Variants in CAPRIN2 observed in about 807,000 individuals in gnomAD.
The protein encoded by CAPRIN2 is caprin-2.
In CAPRIN2, 66 loss-of-function variants were observed where a neutral mutation model predicts 130.4. That is an observed-to-expected ratio of 0.51 (90% CI 0.42 to 0.62). CAPRIN2 has a LOEUF of 0.62. CAPRIN2 is among the 20% of genes least tolerant of loss of function. The pLI is 0.00. For missense variants in CAPRIN2, 1,185 were observed against 1,246.6 expected, an observed-to-expected ratio of 0.95 and a Z score of 0.74; for synonymous variants, 471 against 444.1, an observed-to-expected ratio of 1.06 and a Z score of -0.76.
chr12:30,729,577 T>TA (rs2061956487), intron 7 of CAPRIN2, among the ~76,000 whole-genome samples: 1 of 152,228 alleles, frequency 6.6e-6, no homozygotes, highest in African/African-American at 2.4e-5. Context: ...CTGTTGGACT[T>TA]GCCTAAGACT....
chr12:30,726,557 G>T (rs7308638), intron 8 of CAPRIN2, among the ~76,000 whole-genome samples: 34,053 of 151,956 alleles, frequency 0.22, 4,048 homozygotes, highest in Middle Eastern at 0.32. Flanking sequence ...AAAATTGAGA[G>T]GGATACATAT....
At chr12:30,723,172 T>G in intron 11 of CAPRIN2, 87 bp downstream of exon 12, 7 of 897,316 alleles carry the variant, frequency 7.8e-6, no homozygotes, top group African/African-American at 1.7e-5. Context: ...ATTAGGTACA[T>G]GAGAATCAGT....
intron 6 of CAPRIN2, among the ~76,000 whole-genome samples, chr12:30,730,846 G>T (rs574712158): frequency 1.3e-5 from 2 of 152,212 alleles, no homozygotes; most frequent in South Asian, 4.1e-4. Context: ...TCCAACTTTG[G>T]TAAACAAAAG....
At chr12:30,719,667 G>C in intron 12 of CAPRIN2, 1 of 152,470 alleles carries the variant, frequency 6.6e-6, no homozygotes, top group Non-Finnish European at 1.5e-5. Context: ...ACCTAAAACA[G>C]AAAACAACTC....
intron 2 of CAPRIN2, among the ~76,000 whole-genome samples, chr12:30,748,402 C>T (rs2071823245): frequency 6.6e-6 from 1 of 152,240 alleles, no homozygotes; most frequent in Non-Finnish European, 1.5e-5. Flanking sequence ...GATTACAACT[C>T]ACTGAAGGCT....
intron 12 of CAPRIN2, 25 bp downstream of exon 13, chr12:30,720,786 G>C (rs2059176770): frequency 7.4e-7 from 1 of 1,358,056 alleles, no homozygotes; most frequent in African/African-American, 1.4e-5. Context: ...AGATACAAAA[G>C]AAATTAAGAC....
chr12:30,745,678 A>G (rs2069772357), intron 2 of CAPRIN2, among the ~76,000 whole-genome samples: 1 of 152,174 alleles, frequency 6.6e-6, no homozygotes, highest in African/African-American at 2.4e-5. Context: ...AAGAAATTTT[A>G]GAAAATTTTC....
At chr12:30,750,505 A>T (rs745618913) in intron 2 of CAPRIN2, among the ~76,000 whole-genome samples, 1 of 152,170 alleles carries the variant, frequency 6.6e-6, no homozygotes, top group Non-Finnish European at 1.5e-5. Context: ...CGATGGAAAA[A>T]AATGCAAGTA....
intron 1 of CAPRIN2, among the ~76,000 whole-genome samples, chr12:30,751,846 G>A (rs2074038049): frequency 6.7e-6 from 1 of 150,252 alleles, no homozygotes; most frequent in East Asian, 1.9e-4. Flanking sequence ...TGATACTTAA[G>A]GAAATTATGA....
intron 15 of CAPRIN2, among the ~76,000 whole-genome samples, 170 bp downstream of exon 17, chr12:30,713,615 G>A (rs2056201786): frequency 6.6e-6 from 1 of 152,052 alleles, no homozygotes; most frequent in South Asian, 2.1e-4. Flanking sequence ...ATCTTTCTTG[G>A]GTAATTGCAA....
chr12:30,746,754 C>A (rs752970318), intron 2 of CAPRIN2, among the ~76,000 whole-genome samples: 1 of 152,168 alleles, frequency 6.6e-6, no homozygotes, highest in South Asian at 2.1e-4. Flanking sequence ...TGGGAGCTAG[C>A]AGAAGCTGGT....
At chr12:30,732,934 T>C (rs2063237391) in intron 5 of CAPRIN2, among the ~76,000 whole-genome samples, 1 of 152,120 alleles carries the variant, frequency 6.6e-6, no homozygotes, top group Non-Finnish European at 1.5e-5. Context: ...CTAAACTCAT[T>C]TTGCATTCTA....
At chr12:30,715,174 GT>G in intron 13 of CAPRIN2, 33 bp from the exon 16 acceptor site, 1 of 1,576,576 alleles carries the variant, frequency 6.3e-7, no homozygotes, top group Non-Finnish European at 8.7e-7. Context: ...GGGTCCAAGA[GT>G]TAAATGGTAA....
At chr12:30,738,343 C>T (rs909338411) in intron 3 of CAPRIN2, among the ~76,000 whole-genome samples, 1 of 151,608 alleles carries the variant, frequency 6.6e-6, no homozygotes, top group Admixed American at 6.6e-5. Flanking sequence ...ACTATATTCA[C>T]GATATAGAGA....
intron 2 of CAPRIN2, among the ~76,000 whole-genome samples, chr12:30,750,064 A>G (rs893135855): frequency 1.3e-5 from 2 of 152,220 alleles, no homozygotes; most frequent in Admixed American, 1.3e-4. Context: ...AGAGTTATTG[A>G]ACACACCGTG....
chr12:30,739,840 G>C (rs1289579512), intron 3 of CAPRIN2, among the ~76,000 whole-genome samples: 1 of 152,086 alleles, frequency 6.6e-6, no homozygotes, highest in Non-Finnish European at 1.5e-5. Context: ...ATAAGTGCCT[G>C]GCACAAGGTA....
At chr12:30,730,421 G>T in intron 6 of CAPRIN2, 139 bp from the exon 8 acceptor site, 1 of 638,724 alleles carries the variant, frequency 1.6e-6, no homozygotes, top group Non-Finnish European at 2.8e-6. Flanking sequence ...TATATTGATG[G>T]CAAGAGGAAT....
At position 30,719,127 on chromosome 12, in the gene CAPRIN2, A is replaced by G. The variant is rs34087421; in HGVS notation, c.2148+1684T>C. 2,987 of 1,614,074 alleles carry G rather than the reference A, an allele frequency of 1.9e-3. 38 individuals carry two copies. The African/African-American group carries it at 0.033, about 18-fold the overall frequency. Reference sequence around the variant, plus strand: ...CTGTGTTAATGGTTACTGAACTACTACTTGCTGGAGGTGACTGGAAGCCCT... The same window carrying G: ...CTGTGTTAATGGTTACTGAACTACTGCTTGCTGGAGGTGACTGGAAGCCCT... On this transcript the variant is annotated intron_variant, in intron 12 of 16. Coordinates refer to ENST00000298892, the Ensembl canonical transcript of CAPRIN2.
At position 30,719,236 on chromosome 12, in the gene CAPRIN2, G is replaced by C. The variant is rs748057222; in HGVS notation, c.2148+1575C>G. 1 of 1,613,564 alleles carries C rather than the reference G, an allele frequency of 6.2e-7. No individual in the cohort carries two copies. Among genetic ancestry groups the C allele is most frequent in the East Asian group, 2.2e-5 (1 of 44,872 alleles). Reference sequence around the variant, plus strand: ...TGGGGGAATTGCTGCCTGGGGAGGAGAAATGCAGCATCAGCCAATCACCTG... The same window carrying C: ...TGGGGGAATTGCTGCCTGGGGAGGACAAATGCAGCATCAGCCAATCACCTG... On this transcript the variant is annotated intron_variant, in intron 12 of 16. Coordinates refer to ENST00000298892, the Ensembl canonical transcript of CAPRIN2.
Sources: gnomAD v4.1 joint callset for allele counts (sites outside exome capture counted in the v4.1 genomes callset) on GRCh38, gnomAD v4.1.1 for gene constraint, MANE v1.5 for transcripts, NCBI Gene and HGNC (gene_info 2026-07-23, HGNC 2026-07-21) for gene names.